The following KCNQ1OT1 variants were observed in gnomAD, a reference collection of about 807,000 sequenced individuals.
The protein encoded by KCNQ1OT1 is KCNQ1 antisense RNA 2 (non-protein coding).
Position 2,661,921 on chromosome 11 carries a change from G to T in KCNQ1OT1, n.38074C>A. On this transcript the variant is annotated non_coding_transcript_exon_variant, in exon 1 of 1. Transcript: ENST00000597346. This position sits in a 1 kb window ranked among gnomAD's most constrained non-coding sequence, Gnocchi z 5.9. Reference sequence around the variant, plus strand: ...TGGCTCCACAGCACTGGCAGGTTGGGTGGGAGGCCTAACGTGCTGTCCCCA... The same window carrying T: ...TGGCTCCACAGCACTGGCAGGTTGGTTGGGAGGCCTAACGTGCTGTCCCCA... The T allele has an allele frequency of 1.2e-6, 2 of 1,613,840 alleles. No homozygotes were observed. Among genetic ancestry groups the T allele is most frequent in the Non-Finnish European group, 1.7e-6 (2 of 1,179,952 alleles).
chr11:2,667,786 A>G (rs2133864653), exon 1 of KCNQ1OT1: 1 of 398,694 alleles, frequency 2.5e-6, no homozygotes, highest in East Asian at 3.6e-5. Flanking sequence ...CTATCCACCT[A>G]ATTAGGCTCA....
Position 2,695,289 on chromosome 11 carries a change from C to G in KCNQ1OT1, n.4706G>C. 2.5e-6 allele frequency: 1 copy of G among 398,608 alleles called. No homozygotes were observed. The allele number at this position is 398,608 out of a possible 1,614,324, so 24.7% of individuals were successfully genotyped here. A position where few individuals can be genotyped will look rare whatever the true frequency, so the allele number is the denominator to read the frequency against. On this transcript the variant is annotated non_coding_transcript_exon_variant, in exon 1 of 1. Coordinates refer to ENST00000597346, the Ensembl canonical transcript of KCNQ1OT1. This position sits in a 1 kb window ranked among gnomAD's most constrained non-coding sequence, Gnocchi z 5.2. ...CTAGCCTCTATCCTTGCTCTCCTCC[C>G]TACACAAACAGCTTCTCCAGGGTAA...
At chr11:2,699,724 G>A (rs1850756378) in exon 1 of KCNQ1OT1, 2 of 332,224 alleles carry the variant, frequency 6.0e-6, no homozygotes, top group Non-Finnish European at 1.0e-5. Flanking sequence ...AGGAGTCCCC[G>A]GGGAGAACTG....
At chr11:2,650,226 C>T in exon 1 of KCNQ1OT1, 1 of 398,358 alleles carries the variant, frequency 2.5e-6, no homozygotes. Flanking sequence ...TTTGTGTTCT[C>T]TTGTATCTCA....
At chr11:2,660,802 C>CATTTATTA (rs1337881082) in exon 1 of KCNQ1OT1, 1 of 398,606 alleles carries the variant, frequency 2.5e-6, no homozygotes, top group Non-Finnish European at 4.4e-6. Flanking sequence ...AATCTAGCAA[C>CATTTATTA]ATTTATTAAA....
Position 2,687,885 on chromosome 11 carries a change from G to A in KCNQ1OT1, n.12110C>T, listed in dbSNP as rs180959759. ...AAAGGCTGGACTTGGGGTGTCCCGC[G>A]GAAATCCTGGTGGGATGGAAAATCC... On this transcript the variant is annotated non_coding_transcript_exon_variant, in exon 1 of 1. Transcript: ENST00000597346. This position sits in a 1 kb window ranked among gnomAD's most constrained non-coding sequence, Gnocchi z 5.0. The A allele has an allele frequency of 8.3e-3, 3,325 of 398,688 alleles. 18 individuals are homozygous for A. The highest frequency in any genetic ancestry group is 0.01 in the Non-Finnish European group (2,360 of 226,102). The allele number at this position is 398,688 out of a possible 1,614,324, so 24.7% of individuals were successfully genotyped here.
rs1163990915 is a variant in KCNQ1OT1 at position 2,669,312 on chromosome 11, A to G, written n.30683T>C. The stretch of plus-strand genomic sequence containing the variant: ...CCTCACCATACATATGCCAGTTGCC[A>G]TGGAAAGCCTCCTCTAGGCGCAGCA... On this transcript the variant is annotated non_coding_transcript_exon_variant, in exon 1 of 1. Transcript: ENST00000597346. This position sits in a 1 kb window ranked among gnomAD's most constrained non-coding sequence, Gnocchi z 5.6. The G allele has an allele frequency of 2.0e-5, 8 of 398,486 alleles. No homozygotes were observed. The Admixed American group carries it at 2.6e-4, about 13-fold the overall frequency. The allele number at this position is 398,486 out of a possible 1,614,324, so 24.7% of individuals were successfully genotyped here.
chr11:2,661,481 C>T lies in KCNQ1OT1; in HGVS notation n.38514G>A. ...AGGAGTTCTGTGGCTGCCCCCACCT[C>T]CCAGGCTTGCCATTCCTCATGGGTC... On this transcript the variant is annotated non_coding_transcript_exon_variant, in exon 1 of 1. Transcript: ENST00000597346. This position sits in a 1 kb window ranked among gnomAD's most constrained non-coding sequence, Gnocchi z 5.9. 2 of 436,948 alleles carry T rather than the reference C, an allele frequency of 4.6e-6. No homozygotes were observed. The highest frequency in any genetic ancestry group is 8.1e-6 in the Non-Finnish European group (2 of 248,418). The allele number at this position is 436,948 out of a possible 1,614,324, so 27.1% of individuals were successfully genotyped here. A position where few individuals can be genotyped will look rare whatever the true frequency, so the allele number is the denominator to read the frequency against.
chr11:2,673,827 A>G lies in KCNQ1OT1; in HGVS notation n.26168T>C. ...GCCCTTCAATCCCAGGCCCACAAGCACCACAGCCAGGAGAGTCAAGGTTGG... is the reference window on the plus strand; with the variant it reads ...GCCCTTCAATCCCAGGCCCACAAGCGCCACAGCCAGGAGAGTCAAGGTTGG... On this transcript the variant is annotated non_coding_transcript_exon_variant, in exon 1 of 1. Coordinates refer to ENST00000597346, the Ensembl canonical transcript of KCNQ1OT1. This position sits in a 1 kb window ranked among gnomAD's most constrained non-coding sequence, Gnocchi z 4.5. The G allele has an allele frequency of 2.5e-6, 1 of 398,752 alleles. No homozygotes were observed. Among genetic ancestry groups the G allele is most frequent in the Non-Finnish European group, 4.4e-6 (1 of 226,188 alleles). 24.7% of individuals were successfully genotyped at this position (398,752 alleles called of 1,614,324 possible).
chr11:2,667,301 G>C, exon 1 of KCNQ1OT1: 1 of 398,626 alleles, frequency 2.5e-6, no homozygotes, highest in Middle Eastern at 6.3e-4. Flanking sequence ...GGGCCGCACT[G>C]TCTAGGTGGA....
Position 2,679,580 on chromosome 11 carries a change from C to T in KCNQ1OT1, n.20415G>A, listed in dbSNP as rs1850352399. ...CATGTGTACCATGCAATTCACAGTG[C>T]CTGACAAAGCTGATGGGGAGGCGAG... is the stretch of plus-strand genomic sequence containing the variant. On this transcript the variant is annotated non_coding_transcript_exon_variant, in exon 1 of 1. Coordinates refer to ENST00000597346, the Ensembl canonical transcript of KCNQ1OT1. This position sits in a 1 kb window ranked among gnomAD's most constrained non-coding sequence, Gnocchi z 4.8. The T allele has an allele frequency of 2.5e-6, 1 of 398,580 alleles. No homozygotes were observed. The highest frequency in any genetic ancestry group is 4.4e-6 in the Non-Finnish European group (1 of 226,062). 24.7% of individuals were successfully genotyped at this position (398,580 alleles called of 1,614,324 possible).
In KCNQ1OT1 at chr11:2,661,219, C is replaced by G; in HGVS notation, n.38776G>C. On this transcript the variant is annotated non_coding_transcript_exon_variant, in exon 1 of 1. Transcript: ENST00000597346. This position sits in a 1 kb window ranked among gnomAD's most constrained non-coding sequence, Gnocchi z 5.9. ...TGAATCTTTGAATTATTCCACTTCT[C>G]ACAGATGAGTACTTAATCCTTTTGC... 2.5e-6 allele frequency: 1 copy of G among 398,696 alleles called. No homozygotes were observed. Among genetic ancestry groups the G allele is most frequent in the Non-Finnish European group, 4.4e-6 (1 of 226,184 alleles). 24.7% of individuals were successfully genotyped at this position (398,696 alleles called of 1,614,324 possible).
rs1238239376 is a variant in KCNQ1OT1 at position 2,659,960 on chromosome 11, T to TA, written n.40034dup. ...TGCAAGTCCTTGACCTGATAGGTGA[T>TA]ATGCAAATATTCTTTCCAAGTCTGT... is the stretch of plus-strand genomic sequence containing the variant. On this transcript the variant is annotated non_coding_transcript_exon_variant, in exon 1 of 1. Transcript: ENST00000597346. This position sits in a 1 kb window ranked among gnomAD's most constrained non-coding sequence, Gnocchi z 4.3. The TA allele has an allele frequency of 1.8e-5, 7 of 398,354 alleles. No homozygotes were observed. Among genetic ancestry groups the TA allele is most frequent in the Non-Finnish European group, 3.1e-5 (7 of 225,980 alleles). The allele number at this position is 398,354 out of a possible 1,614,324, so 24.7% of individuals were successfully genotyped here.
At chr11:2,632,425 A>G (rs1849376099) in exon 1 of KCNQ1OT1, 1 of 398,262 alleles carries the variant, frequency 2.5e-6, no homozygotes, top group Admixed American at 4.4e-5. Context: ...TAAAATGCGC[A>G]TCTTGCTTTA....
chr11:2,634,224 G>C lies in KCNQ1OT1; in HGVS notation n.65771C>G, dbSNP rs184104991. 403 of 392,116 alleles carry C rather than the reference G, an allele frequency of 1.0e-3. 1 individual carries two copies. The highest frequency in any genetic ancestry group is 8.1e-4 in the Non-Finnish European group (182 of 223,370). The allele number at this position is 392,116 out of a possible 1,614,324, so 24.3% of individuals were successfully genotyped here. A position where few individuals can be genotyped will look rare whatever the true frequency, so the allele number is the denominator to read the frequency against. On this transcript the variant is annotated non_coding_transcript_exon_variant, in exon 1 of 1. Transcript: ENST00000597346. ...TAGGGTACATGTGCACAACGTGCAG[G>C]TTTGTTACATATGTATACATGTGCC...
exon 1 of KCNQ1OT1, chr11:2,614,852 A>G (rs1849035971): frequency 7.5e-6 from 3 of 398,440 alleles, no homozygotes; most frequent in East Asian, 3.6e-5. Context: ...TTCTTTTTCA[A>G]TATGATTTTA....
Position 2,698,487 on chromosome 11 carries a change from T to G in KCNQ1OT1, n.1508A>C. The G allele has an allele frequency of 2.5e-6, 1 of 398,518 alleles. No homozygotes were observed. Among genetic ancestry groups the G allele is most frequent in the East Asian group, 3.6e-5 (1 of 28,074 alleles). 24.7% of individuals were successfully genotyped at this position (398,518 alleles called of 1,614,324 possible). On this transcript the variant is annotated non_coding_transcript_exon_variant, in exon 1 of 1. Transcript: ENST00000597346. This position sits in a 1 kb window ranked among gnomAD's most constrained non-coding sequence, Gnocchi z 5.1. ...CTCATCTCCAATATGACCAAGAGAC[T>G]TCTACCACTACCTCTCACCTGGCAG...
At chr11:2,685,524 T>A (rs1268777368) in exon 1 of KCNQ1OT1, 4 of 398,590 alleles carry the variant, frequency 1.0e-5, no homozygotes, top group African/African-American at 8.2e-5. Flanking sequence ...ACGCTAGTCC[T>A]ACAGGTGCAG....
chr11:2,650,720 A>G, exon 1 of KCNQ1OT1: 3 of 398,686 alleles, frequency 7.5e-6, no homozygotes, highest in Non-Finnish European at 1.3e-5. Context: ...GCAGGGGACT[A>G]GAATGCTATT....
Sources: allele counts gnomAD v4.1 joint callset, GRCh38; gene constraint gnomAD v4.1.1; non-coding constraint Gnocchi (gnomAD v3.1); transcripts MANE v1.5; gene names NCBI Gene and HGNC (gene_info 2026-07-23, HGNC 2026-07-21).